The following GNAQ variants were observed in gnomAD, a reference collection of about 807,000 sequenced individuals.
GNAQ encodes guanine nucleotide-binding protein G(q) subunit alpha.
Under a neutral mutation model 43.9 loss-of-function variants are expected in GNAQ, and 8 were observed. That is an observed-to-expected ratio of 0.18 (90% CI 0.11 to 0.33). The LOEUF (loss-of-function observed/expected upper bound fraction) is 0.33. Among genes scored for constraint, GNAQ ranks in the 10% least tolerant of loss-of-function variants. The pLI is 1.00. For synonymous variants in GNAQ, 155 were observed against 170.7 expected (o/e 0.91, Z 0.71); for missense variants, 158 against 450.8 (o/e 0.35, Z 5.88).
chr9:77,785,689 G>C (rs1179689847), intron 5 of GNAQ, among the ~76,000 whole-genome samples: 6 of 152,146 alleles, frequency 3.9e-5, no homozygotes, highest in African/African-American at 1.4e-4. Context: ...GTCAGTATCT[G>C]ACAGTTCCTG....
At chr9:77,931,156 T>C (rs1239810608) in intron 1 of GNAQ, among the ~76,000 whole-genome samples, 1 of 148,854 alleles carries the variant, frequency 6.7e-6, no homozygotes, top group Non-Finnish European at 1.5e-5. Context: ...TGAATGTCAT[T>C]GAGATGCTTG....
rs934588656 is a variant in GNAQ at position 77,876,605 on chromosome 9, ACT to A, written c.321+45554_321+45555del. On this transcript the variant is annotated intron_variant, in intron 2 of 6. Transcript: ENST00000286548. Reference sequence around the variant, plus strand: ...TGCCTTAAACCCATTGTTTCCAGCCACTGTTTATTAAGGGATTTGCTTCCTAG... The same window carrying A: ...TGCCTTAAACCCATTGTTTCCAGCCAGTTTATTAAGGGATTTGCTTCCTAG... 3.9e-5 allele frequency among the ~76,000 whole-genome samples: 6 copies of A among 152,218 alleles called. No homozygotes were observed. In the South Asian group the frequency reaches 6.2e-4, roughly 16 times the overall value.
At position 77,779,680 on chromosome 9, in the gene GNAQ, C is replaced by CAAAAAAAAAAAAAAAAAAAAA. The variant is rs58014303; in HGVS notation, c.735+14762_735+14782dup. ...TAGCCAGGTTAACTAAAAAACAAAA[C>CAAAAAAAAAAAAAAAAAAAAA]AAAAAAAAAAAAAAAAAAAAAGAGA... On this transcript the variant is annotated intron_variant, in intron 5 of 6. Coordinates refer to ENST00000286548, the MANE Select transcript of GNAQ (RefSeq NM_002072.5). Among the ~76,000 whole-genome samples the CAAAAAAAAAAAAAAAAAAAAA allele has an allele frequency of 8.3e-5, 8 of 95,940 alleles. 1 individual carries two copies. Among genetic ancestry groups the CAAAAAAAAAAAAAAAAAAAAA allele is most frequent in the South Asian group, 7.2e-4 (2 of 2,782 alleles). The allele number at this position is 95,940 out of a possible 152,430, so 62.9% of individuals were successfully genotyped here.
chr9:77,854,785 G>A (rs777137868), intron 2 of GNAQ, among the ~76,000 whole-genome samples: 1 of 152,152 alleles, frequency 6.6e-6, no homozygotes, highest in Non-Finnish European at 1.5e-5. Context: ...ATAATTTATA[G>A]GTTGGCATGC....
At position 78,031,471 on chromosome 9, in the gene GNAQ, CGGGCGCGG is replaced by C. The variant is rs1824060177; in HGVS notation, c.-244_-237del. On this transcript the variant is annotated 5_prime_UTR_variant, in exon 1 of 7. Transcript: ENST00000286548. ...GTCTGGGCCGACGGGAGAAGAGAGG[CGGGCGCGG>C]GAGGCGGGCGCTGGCTCGGGGGGCG... 1 of 181,864 alleles carries C rather than the reference CGGGCGCGG, an allele frequency of 5.5e-6. No individual in the cohort carries two copies. Among genetic ancestry groups the C allele is most frequent in the Non-Finnish European group, 1.1e-5 (1 of 87,396 alleles). The allele number at this position is 181,864 out of a possible 1,614,324, so 11.3% of individuals were successfully genotyped here.
At chr9:77,801,334 A>G (rs1217288315) in intron 3 of GNAQ, among the ~76,000 whole-genome samples, 1 of 152,216 alleles carries the variant, frequency 6.6e-6, no homozygotes, top group Non-Finnish European at 1.5e-5. Context: ...AGACACTCAT[A>G]CTTGCAAGAA....
intron 3 of GNAQ, among the ~76,000 whole-genome samples, chr9:77,801,813 G>A (rs1315946513): frequency 6.6e-6 from 1 of 152,126 alleles, no homozygotes; most frequent in Non-Finnish European, 1.5e-5. Flanking sequence ...AGTAAAATCT[G>A]GGAAGCTACC....
chr9:77,887,517 A>C (rs1191134148), intron 2 of GNAQ, among the ~76,000 whole-genome samples: 1 of 152,212 alleles, frequency 6.6e-6, no homozygotes, highest in African/African-American at 2.4e-5. Flanking sequence ...AGACAATAAG[A>C]GGTTCTGCAG....
chr9:77,972,077 T>G (rs1313511500), intron 1 of GNAQ, among the ~76,000 whole-genome samples: 2 of 152,076 alleles, frequency 1.3e-5, no homozygotes, highest in African/African-American at 4.8e-5. Flanking sequence ...GTTTTCTAAA[T>G]GTACAATCGT....
chr9:77,846,807 A>G (rs1230462625), intron 2 of GNAQ, among the ~76,000 whole-genome samples: 1 of 152,168 alleles, frequency 6.6e-6, no homozygotes, highest in Non-Finnish European at 1.5e-5. Flanking sequence ...ACTTCTACAT[A>G]TATTTTCTTT....
chr9:77,764,125 T>C (rs547992590), intron 5 of GNAQ, among the ~76,000 whole-genome samples: 1 of 152,294 alleles, frequency 6.6e-6, no homozygotes, highest in South Asian at 2.1e-4. Context: ...AATACAAACC[T>C]ATACTCCTAA....
intron 1 of GNAQ, among the ~76,000 whole-genome samples, chr9:77,927,921 T>C (rs558621279): frequency 5.9e-5 from 9 of 152,220 alleles, no homozygotes; most frequent in African/African-American, 7.2e-5. Context: ...AGCTGAATTA[T>C]AGAGTAACTG....
At chr9:77,891,951 A>G (rs975154453) in intron 2 of GNAQ, among the ~76,000 whole-genome samples, 4 of 152,262 alleles carry the variant, frequency 2.6e-5, no homozygotes, top group Admixed American at 2.0e-4. Flanking sequence ...AAGATGAGAA[A>G]TAAGCCTTTA....
intron 3 of GNAQ, among the ~76,000 whole-genome samples, chr9:77,797,909 CA>C (rs1327932966): frequency 6.6e-6 from 1 of 152,144 alleles, no homozygotes; most frequent in Non-Finnish European, 1.5e-5. Context: ...TCCCCAGAGG[CA>C]AGGGGTGGGA....
At chr9:77,863,687 A>T (rs1280899009) in intron 2 of GNAQ, among the ~76,000 whole-genome samples, 1 of 152,142 alleles carries the variant, frequency 6.6e-6, no homozygotes. Context: ...CATTTATAAA[A>T]AAAAAGAGGT....
At chr9:77,892,741 T>C (rs1828425206) in intron 2 of GNAQ, among the ~76,000 whole-genome samples, 1 of 152,144 alleles carries the variant, frequency 6.6e-6, no homozygotes, top group South Asian at 2.1e-4. Context: ...AAAAGCTTCA[T>C]TTATAGGGCA....
chr9:77,886,626 A>C (rs905957119), intron 2 of GNAQ, among the ~76,000 whole-genome samples: 17 of 152,204 alleles, frequency 1.1e-4, no homozygotes, highest in African/African-American at 3.9e-4. Flanking sequence ...AGTATTTACA[A>C]GACAAATGAA....
At chr9:77,944,697 T>C (rs957164382) in intron 1 of GNAQ, among the ~76,000 whole-genome samples, 1 of 152,220 alleles carries the variant, frequency 6.6e-6, no homozygotes, top group Non-Finnish European at 1.5e-5. Flanking sequence ...CTAACTTAGC[T>C]TGCCCAGTGT....
intron 1 of GNAQ, among the ~76,000 whole-genome samples, chr9:77,986,988 T>C (rs1823446924): frequency 6.6e-6 from 1 of 152,112 alleles, no homozygotes; most frequent in African/African-American, 2.4e-5. Flanking sequence ...ATATCATACA[T>C]ATGAAAGAAA....
Sources: gnomAD v4.1 joint callset for allele counts (sites outside exome capture counted in the v4.1 genomes callset) on GRCh38, gnomAD v4.1.1 for gene constraint, MANE v1.5 for transcripts, NCBI Gene and HGNC (gene_info 2026-07-23, HGNC 2026-07-21) for gene names.